CEP135: variants seen among roughly 807,000 people sequenced by gnomAD.
CEP135 encodes centrosomal protein 135, also known as centrosomal protein of 135 kDa.
A neutral mutation model predicts 157.3 loss-of-function variants in CEP135; 142 were observed. The ratio of observed to expected loss-of-function variants is 0.90; its 90% CI spans 0.79 to 1.04. The LOEUF is 1.04. CEP135 is among the 50% of genes least tolerant of loss of function. The pLI is 0.00. For synonymous variants in CEP135, 396 were observed against 439.8 expected (o/e 0.90, Z 1.25); for missense variants, 1,317 against 1,309.2 (o/e 1.01, Z -0.09).
intron 24 of CEP135, 43 bp from the exon 25 acceptor site, chr4:56,024,458 C>G: frequency 3.5e-6 from 5 of 1,436,608 alleles, no homozygotes; most frequent in Middle Eastern, 1.8e-4. Context: ...TTGATTTTCC[C>G]TGGTGCTTGA....
chr4:56,028,681 G>A (rs1310496651), intron 25 of CEP135, among the ~76,000 whole-genome samples: 1 of 151,540 alleles, frequency 6.6e-6, no homozygotes, highest in East Asian at 1.9e-4. Flanking sequence ...TAGTTAAATA[G>A]ACAATCCAAC....
intron 25 of CEP135, among the ~76,000 whole-genome samples, chr4:56,028,592 A>G (rs776158402): frequency 3.9e-5 from 6 of 152,088 alleles, no homozygotes; most frequent in African/African-American, 1.2e-4. Context: ...CCAAGCACTC[A>G]GAAATGAATT....
intron 17 of CEP135, among the ~76,000 whole-genome samples, chr4:56,006,916 CAG>C (rs1730365855): frequency 2.0e-5 from 3 of 152,210 alleles, no homozygotes; most frequent in South Asian, 4.1e-4. Context: ...TTTTTTGAGA[CAG>C]AGTCTTGCTC....
rs958352485 is a variant in CEP135, at chr4:56,031,626, A to G, written c.*278A>G. ...TTATTATTCATGAATTAAATTACTA[A>G]AAGTATGTTTATACTGTGAATTAAT... On this transcript the variant is annotated 3_prime_UTR_variant, in exon 26 of 26. Transcript: ENST00000257287. 25 of 152,388 alleles carry G rather than the reference A, an allele frequency of 1.6e-4. No individual in the cohort carries two copies. The highest frequency in any genetic ancestry group is 1.1e-3 in the Admixed American group (17 of 15,290). 9.4% of individuals were successfully genotyped at this position (152,388 alleles called of 1,614,324 possible).
In CEP135 at chr4:55,957,208, A is replaced by G; in HGVS notation, c.473-15A>G. ...TTGTTTCTTCTTAGTTTTTTAAGACACTCATTCTTTTTAGGTGGCAAGAAA... is the reference window on the plus strand; with the variant it reads ...TTGTTTCTTCTTAGTTTTTTAAGACGCTCATTCTTTTTAGGTGGCAAGAAA... On this transcript the variant is annotated splice_polypyrimidine_tract_variant and intron_variant, in intron 4 of 25. Transcript: ENST00000257287. The G allele has an allele frequency of 1.2e-6, 2 of 1,609,834 alleles. No homozygotes were observed. Among genetic ancestry groups the G allele is most frequent in the Non-Finnish European group, 1.7e-6 (2 of 1,178,938 alleles).
chr4:55,976,962 A>G (rs547150540), intron 11 of CEP135, among the ~76,000 whole-genome samples: 78 of 150,880 alleles, frequency 5.2e-4, no homozygotes, highest in South Asian at 1.0e-3. Context: ...GGCATGTGCT[A>G]CCATGCCTGG....
chr4:55,999,432 A>T lies in CEP135; in HGVS notation c.2125+15A>T. On this transcript the variant is annotated intron_variant, in intron 16 of 25. Transcript: ENST00000257287. ...GGAAAAGATAGGTAAATGTTTTAAA[A>T]TTTTGTTTCTGCTAATCCTAATGTA... The T allele has an allele frequency of 1.2e-6, 2 of 1,613,322 alleles. No individual in the cohort carries two copies.
intron 15 of CEP135, 112 bp from the exon 16 acceptor site, chr4:55,999,190 A>G (rs906895689): frequency 6.3e-6 from 5 of 795,602 alleles, no homozygotes; most frequent in African/African-American, 3.5e-5. Context: ...AAAATAAAAA[A>G]TAGCAAACTT....
intron 17 of CEP135, among the ~76,000 whole-genome samples, chr4:56,002,719 G>A (rs1310627782): frequency 6.6e-6 from 1 of 152,004 alleles, no homozygotes; most frequent in Admixed American, 6.6e-5. Context: ...TGTGTTTTTG[G>A]TATCAAGATA....
At chr4:55,965,974 T>A (rs1197790105) in intron 8 of CEP135, 115 bp downstream of exon 8, 1 of 842,298 alleles carries the variant, frequency 1.2e-6, no homozygotes, top group East Asian at 2.7e-5. Context: ...GTGTGTCTGT[T>A]TTTGTTTTTT....
chr4:55,971,161 C>T (rs1729013643), intron 9 of CEP135, 109 bp from the exon 10 acceptor site: 7 of 730,970 alleles, frequency 9.6e-6, no homozygotes, highest in South Asian at 2.3e-5. Context: ...TGTACACACA[C>T]GTATATGTAA....
At chr4:56,018,500 G>A (rs564104935) in intron 22 of CEP135, among the ~76,000 whole-genome samples, 3 of 152,130 alleles carry the variant, frequency 2.0e-5, no homozygotes, top group Non-Finnish European at 2.9e-5. Context: ...GCTTACACCC[G>A]TAATCCCAAC....
intron 9 of CEP135, 55 bp downstream of exon 9, chr4:55,969,183 G>A (rs756671654): frequency 2.2e-5 from 33 of 1,468,280 alleles, no homozygotes; most frequent in Non-Finnish European, 3.0e-5. Context: ...ATTTTTATGG[G>A]AGACTGAGGT....
intron 20 of CEP135, 122 bp from the exon 21 acceptor site, chr4:56,011,678 A>G (rs1406741683): frequency 9.2e-6 from 9 of 976,780 alleles, no homozygotes; most frequent in African/African-American, 3.4e-5. Flanking sequence ...TGGTACCTGC[A>G]CAGATATCTA....
chr4:56,030,017 C>A (rs1053741145), intron 25 of CEP135, among the ~76,000 whole-genome samples: 1 of 152,074 alleles, frequency 6.6e-6, no homozygotes, highest in African/African-American at 2.4e-5. Context: ...TAACTTTTTT[C>A]CTTTATAAAC....
rs1357337292 is a variant in CEP135 at position 56,019,286 on chromosome 4, GATAA to G, written c.3013-62_3013-59del. The G allele has an allele frequency of 2.8e-5, 36 of 1,264,958 alleles. No homozygotes were observed. The East Asian group carries it at 8.5e-4, about 30-fold the overall frequency. 78.4% of individuals were successfully genotyped at this position (1,264,958 alleles called of 1,614,324 possible). A position where few individuals can be genotyped will look rare whatever the true frequency, so the allele number is the denominator to read the frequency against. On this transcript the variant is annotated intron_variant, in intron 22 of 25. Transcript: ENST00000257287. ...ATAGTTCCACAGAGCTATATTGTCA[GATAA>G]ATAATTTTTTCAGAGTAAGTTTAAA...
At chr4:55,964,700 A>G (rs1171931343) in intron 7 of CEP135, among the ~76,000 whole-genome samples, 1 of 152,152 alleles carries the variant, frequency 6.6e-6, no homozygotes, top group Admixed American at 6.5e-5. Context: ...GAAAATGTAT[A>G]TATGGACTTG....
At chr4:55,985,073 A>G (rs1488301212) in intron 13 of CEP135, among the ~76,000 whole-genome samples, 1 of 152,242 alleles carries the variant, frequency 6.6e-6, no homozygotes, top group African/African-American at 2.4e-5. Context: ...GGAGGTAGAG[A>G]GTGTAAAAGA....
At chr4:56,008,802 CTTA>C (rs1730453918) in intron 18 of CEP135, among the ~76,000 whole-genome samples, 1 of 152,190 alleles carries the variant, frequency 6.6e-6, no homozygotes, top group Non-Finnish European at 1.5e-5. Flanking sequence ...AAAAAAGTCA[CTTA>C]TTATATTTAT....
Sources: gnomAD v4.1 joint callset for allele counts (sites outside exome capture counted in the v4.1 genomes callset) on GRCh38, gnomAD v4.1.1 for gene constraint, MANE v1.5 for transcripts, NCBI Gene and HGNC (gene_info 2026-07-23, HGNC 2026-07-21) for gene names.